NCOA2: variants seen among roughly 807,000 people sequenced by gnomAD.
The protein encoded by NCOA2 is class E basic helix-loop-helix protein 75.
A neutral mutation model predicts 145.1 loss-of-function variants in NCOA2; 21 were observed. That is an observed-to-expected ratio of 0.14 (90% CI 0.10 to 0.21). The LOEUF (loss-of-function observed/expected upper bound fraction) is 0.21. Among genes scored for constraint, NCOA2 ranks in the 10% least tolerant of loss-of-function variants. NCOA2 has a pLI of 1.00. For synonymous variants in NCOA2, 619 were observed against 637.5 expected, an observed-to-expected ratio of 0.97 and a Z score of 0.44; for missense variants, 1,472 against 1,837.6, an observed-to-expected ratio of 0.80 and a Z score of 3.64.
chr8:70,304,639 T>G lies in NCOA2; in HGVS notation c.-76-7839A>C, dbSNP rs1479335594. 3.3e-5 allele frequency among the ~76,000 whole-genome samples: 5 copies of G among 151,738 alleles called. No individual in the cohort carries two copies. In the East Asian group the frequency reaches 9.7e-4, roughly 29 times the overall value. Reference sequence around the variant, plus strand: ...CGCCACCATGCCCGGCTAATTTTTTTGTTTTTTTGTTTTGTTTTGTTTTTT... The same window carrying G: ...CGCCACCATGCCCGGCTAATTTTTTGGTTTTTTTGTTTTGTTTTGTTTTTT... On this transcript the variant is annotated intron_variant, in intron 1 of 22. Coordinates refer to ENST00000452400, the MANE Select transcript of NCOA2 (RefSeq NM_006540.4).
At chr8:70,348,322 G>C (rs1302723100) in intron 1 of NCOA2, among the ~76,000 whole-genome samples, 2 of 152,188 alleles carry the variant, frequency 1.3e-5, no homozygotes, top group Non-Finnish European at 2.9e-5. Context: ...ACAGGTGCCA[G>C]TAAGGTAGTA....
chr8:70,441,403 G>GAAA, the NCOA2 span, among the ~76,000 whole-genome samples: 1 of 132,080 alleles, frequency 7.6e-6, no homozygotes, highest in East Asian at 2.2e-4. Flanking sequence ...AGAAAGAAAA[G>GAAA]AAGAGAGAAA....
the NCOA2 span, among the ~76,000 whole-genome samples, chr8:70,427,711 G>A: frequency 6.6e-6 from 1 of 152,126 alleles, no homozygotes; most frequent in African/African-American, 2.4e-5. Context: ...ACTTACTGGA[G>A]CAAACTATTT....
At chr8:70,430,756 G>T in the NCOA2 span, among the ~76,000 whole-genome samples, 4 of 152,184 alleles carry the variant, frequency 2.6e-5, no homozygotes, top group African/African-American at 9.6e-5. Context: ...AAGACACACA[G>T]GTCATCAGAA....
At chr8:70,446,688 C>T in the NCOA2 span, among the ~76,000 whole-genome samples, 2 of 152,088 alleles carry the variant, frequency 1.3e-5, no homozygotes, top group Non-Finnish European at 2.9e-5. Flanking sequence ...TTCAATTTCG[C>T]TCAGTTTTTC....
At chr8:70,351,974 A>AT (rs200907346) in intron 1 of NCOA2, among the ~76,000 whole-genome samples, 2,000 of 146,062 alleles carry the variant, frequency 0.014, 15 homozygotes, top group African/African-American at 0.022. Context: ...TAACTGGGCA[A>AT]TTTTTTTTTT....
intron 1 of NCOA2, among the ~76,000 whole-genome samples, chr8:70,341,780 T>C (rs1808165139): frequency 6.6e-6 from 1 of 152,170 alleles, no homozygotes; most frequent in Admixed American, 6.5e-5. Flanking sequence ...TTCCATAATA[T>C]TGGAAGATAC....
chr8:70,131,775 A>C (rs1460812176), intron 16 of NCOA2, 62 bp downstream of exon 16: 3 of 1,501,020 alleles, frequency 2.0e-6, no homozygotes, highest in Non-Finnish European at 2.7e-6. Context: ...TGTAAACAGA[A>C]AATGGACACC....
chr8:70,309,368 TAA>T (rs1298852392), intron 1 of NCOA2, among the ~76,000 whole-genome samples: 1 of 134,104 alleles, frequency 7.5e-6, no homozygotes, highest in Non-Finnish European at 1.6e-5. Flanking sequence ...AATAAGGACT[TAA>T]AAAAAAAAAA....
At chr8:70,342,903 GCTGTT>G (rs1808281402) in intron 1 of NCOA2, among the ~76,000 whole-genome samples, 1 of 149,232 alleles carries the variant, frequency 6.7e-6, no homozygotes, top group Non-Finnish European at 1.5e-5. Flanking sequence ...TTCCAAATAT[GCTGTT>G]TAACACATAC....
At chr8:70,395,278 G>A (rs1229673334) in intron 1 of NCOA2, among the ~76,000 whole-genome samples, 3 of 152,174 alleles carry the variant, frequency 2.0e-5, no homozygotes, top group African/African-American at 4.8e-5. Context: ...AAAGCACTGC[G>A]TAGTAAGTGG....
At chr8:70,194,203 T>C (rs1817007724) in intron 4 of NCOA2, among the ~76,000 whole-genome samples, 1 of 152,216 alleles carries the variant, frequency 6.6e-6, no homozygotes, top group South Asian at 2.1e-4. Flanking sequence ...AAATTTTAAG[T>C]GTAAATATTT....
intron 19 of NCOA2, among the ~76,000 whole-genome samples, chr8:70,126,090 A>T (rs1808382850): frequency 6.6e-6 from 1 of 152,234 alleles, no homozygotes; most frequent in South Asian, 2.1e-4. Flanking sequence ...CAGACTTCAC[A>T]GTTATTTACA....
At chr8:70,164,816 G>A (rs543189893) in intron 7 of NCOA2, among the ~76,000 whole-genome samples, 1 of 151,454 alleles carries the variant, frequency 6.6e-6, no homozygotes, top group East Asian at 1.9e-4. Flanking sequence ...TGGGCACTAC[G>A]AGATAAACAC....
chr8:70,125,549 C>G (rs1309400942), intron 19 of NCOA2, among the ~76,000 whole-genome samples: 1 of 152,140 alleles, frequency 6.6e-6, no homozygotes, highest in Non-Finnish European at 1.5e-5. Flanking sequence ...AGCCATTGCA[C>G]CTGGCCAGAT....
chr8:70,367,056 G>A lies in NCOA2; in HGVS notation c.-77+36644C>T, dbSNP rs73684286. ...AGAAATCTTCTACAGTTCTCCTAAA[G>A]GACAATAATAGCAACCCGATCATGT... On this transcript the variant is annotated intron_variant, in intron 1 of 22. Transcript: ENST00000452400. Among the ~76,000 whole-genome samples, 1,022 of 152,208 alleles carry A rather than the reference G, an allele frequency of 6.7e-3. 12 individuals are homozygous for A. The highest frequency in any genetic ancestry group is 0.024 in the Middle Eastern group (7 of 294).
At chr8:70,346,679 A>G (rs1808681036) in intron 1 of NCOA2, among the ~76,000 whole-genome samples, 1 of 152,166 alleles carries the variant, frequency 6.6e-6, no homozygotes, top group Non-Finnish European at 1.5e-5. Flanking sequence ...TGCCTACCTC[A>G]TATTACCGAA....
chr8:70,416,187 G>T, the NCOA2 span, among the ~76,000 whole-genome samples: 4 of 136,794 alleles, frequency 2.9e-5, no homozygotes, highest in African/African-American at 5.9e-5. Context: ...GGGGACCTCA[G>T]TTTTTTTGTT....
intron 1 of NCOA2, among the ~76,000 whole-genome samples, chr8:70,376,313 TTGAG>T (rs1446227259): frequency 6.6e-6 from 1 of 152,050 alleles, no homozygotes; most frequent in African/African-American, 2.4e-5. Flanking sequence ...TCTAACTTTC[TTGAG>T]TGCAACCATA....
Sources: allele counts gnomAD v4.1 joint callset (sites outside exome capture counted in the v4.1 genomes callset), GRCh38; gene constraint gnomAD v4.1.1; transcripts MANE v1.5; gene names NCBI Gene and HGNC (gene_info 2026-07-23, HGNC 2026-07-21).